The following BCAR1 variants were observed in gnomAD, a reference collection of about 807,000 sequenced individuals.
BCAR1 encodes the protein BCAR1 scaffold protein, Cas family member, also known as breast cancer anti-estrogen resistance protein 1.
Under a neutral mutation model 67.6 loss-of-function variants are expected in BCAR1, and 30 were observed. That is an observed-to-expected ratio of 0.44 (90% confidence interval 0.33 to 0.60). BCAR1 has a LOEUF of 0.60. Among genes scored for constraint, BCAR1 ranks in the 20% least tolerant of loss-of-function variants. The probability of loss-of-function intolerance (pLI) is 0.02; values close to 1 mark genes in which losing one functional copy is unlikely to be tolerated. For missense variants in BCAR1, 1,313 were observed against 1,222.3 expected, an observed-to-expected ratio of 1.07 and a Z score of -1.11; for synonymous variants, 626 against 556.7, an observed-to-expected ratio of 1.12 and a Z score of -1.75.
At chr16:75,255,978 G>A (rs752478971), upstream of BCAR1, among the ~76,000 whole-genome samples, 2 of 152,228 alleles carry the variant, frequency 1.3e-5, no homozygotes, top group Non-Finnish European at 2.9e-5. Context: ...GCGAGAGAGC[G>A]AAACTACGTC....
chr16:75,230,845 C>T (rs773091340), intron 6 of BCAR1, among the ~76,000 whole-genome samples: 2 of 152,170 alleles, frequency 1.3e-5, no homozygotes, highest in South Asian at 2.1e-4. Context: ...TCCATCTCTC[C>T]GTTCCCTTAG....
chr16:75,264,893 ATGG>A (rs1237393819), intron 1 of BCAR1: 2 of 167,400 alleles, frequency 1.2e-5, no homozygotes, highest in African/African-American at 4.8e-5. Context: ...CCAGGTGCAG[ATGG>A]TGTCCCTTCC....
At chr16:75,267,371 G>A (rs931802120) in intron 1 of BCAR1, among the ~76,000 whole-genome samples, 2 of 137,624 alleles carry the variant, frequency 1.5e-5, no homozygotes, top group Non-Finnish European at 3.2e-5. Context: ...TTGTTGGAGG[G>A]GCCAAGCAGG....
chr16:75,243,054 C>G lies in BCAR1; in HGVS notation c.49G>C (p.Glu17Gln). Residue 17 changes from glutamate (E) to glutamine (Q), a missense_variant, in exon 2 of 7, where the codon GAG becomes CAG. By Grantham distance (29) the Glu-to-Gln change is conservative. This residue lies in a region of BCAR1 where 41 missense variants were observed against 84.8 expected (regional missense o/e 0.48). Transcript: ENST00000162330. The stretch of plus-strand genomic sequence containing the variant: ...CGGAAGGAGAGCTCATCCGGGGACT[C>G]GGCCACATTGTCATAGAGCGCTTTG... Reference protein sequence around the residue: ...LAKALYDNVAESPDELSFRKG... With the variant: ...LAKALYDNVAQSPDELSFRKG... The G allele has an allele frequency of 6.2e-7, 1 of 1,607,070 alleles. No individual in the cohort carries two copies. Among genetic ancestry groups the G allele is most frequent in the South Asian group, 1.1e-5 (1 of 90,520 alleles).
chr16:75,261,336 A>T (rs1355548883), intron 1 of BCAR1, among the ~76,000 whole-genome samples: 3 of 152,244 alleles, frequency 2.0e-5, no homozygotes, highest in Non-Finnish European at 4.4e-5. Flanking sequence ...CCAGGGCACC[A>T]GTGGTAGGAA....
upstream of BCAR1, among the ~76,000 whole-genome samples, chr16:75,253,404 C>G (rs953497092): frequency 2.6e-5 from 4 of 152,160 alleles, no homozygotes; most frequent in Non-Finnish European, 5.9e-5. Flanking sequence ...TCTGCAGGGA[C>G]GGGCAAGGAC....
intron 1 of BCAR1, among the ~76,000 whole-genome samples, chr16:75,258,791 C>T (rs1433940408): frequency 4.6e-5 from 7 of 152,352 alleles, no homozygotes; most frequent in Middle Eastern, 3.4e-3. Context: ...GGGCCAGGGA[C>T]GCAGGGAGTC....
chr16:75,256,358 G>A (rs2077775216), upstream of BCAR1: 1 of 152,336 alleles, frequency 6.6e-6, no homozygotes, highest in African/African-American at 2.4e-5. Flanking sequence ...TAGTGGCTCT[G>A]ACTGTGGGAA....
In BCAR1 at chr16:75,235,200, C is replaced by T; in HGVS notation, c.1699G>A (p.Gly567Arg). 6.2e-7 allele frequency: 1 copy of T among 1,608,248 alleles called. No homozygotes were observed. The highest frequency in any genetic ancestry group is 1.7e-5 in the Admixed American group (1 of 59,958). Residue 567 changes from glycine (G) to arginine (R), a missense_variant, in exon 5 of 7, where the codon GGA (glycine) becomes AGA (arginine). Gly to Arg is a moderately radical substitution (Grantham distance 125). This residue lies in a region of BCAR1 where 1,272 missense variants were observed against 1,137.5 expected (regional missense o/e 1.12). Transcript: ENST00000162330. The stretch of plus-strand genomic sequence containing the variant: ...TCCTCAAGGGTGGCTCCAGAGCCTC[C>T]CCGGCCAGCGTCGAGGGCCTGACCA... ...AHGQALDAGR[G>R]GSGATLEDLD...
At chr16:75,266,411 T>A (rs2078010334) in intron 1 of BCAR1, 2 of 232,216 alleles carry the variant, frequency 8.6e-6, no homozygotes, top group South Asian at 3.6e-4. Flanking sequence ...GGGGTCGCCC[T>A]GACAGTGACA....
At chr16:75,267,881 G>A (rs2078030097) in intron 1 of BCAR1, 2 of 1,578,008 alleles carry the variant, frequency 1.3e-6, no homozygotes, top group African/African-American at 1.3e-5. Context: ...CCTTAGCAGG[G>A]AGAGAGGGGA....
upstream of BCAR1, among the ~76,000 whole-genome samples, chr16:75,255,975 A>C (rs114444645): frequency 5.3e-3 from 814 of 152,340 alleles, 3 homozygotes; most frequent in African/African-American, 0.019. Context: ...TGGGCGAGAG[A>C]GCGAAACTAC....
At chr16:75,230,359 GTGGCACTGGGGAAAA>G (rs2076860706) in intron 6 of BCAR1, among the ~76,000 whole-genome samples, 2 of 152,164 alleles carry the variant, frequency 1.3e-5, no homozygotes, top group African/African-American at 4.8e-5. Flanking sequence ...GACTTGAGAC[GTGGCACTGGGGAAAA>G]TGGCTGAAGG....
At chr16:75,247,792 G>A in intron 1 of BCAR1, 3 of 517,670 alleles carry the variant, frequency 5.8e-6, no homozygotes, top group African/African-American at 1.9e-5. Context: ...TATCTGGCCT[G>A]CACCCTTTCA....
chr16:75,263,825 G>T, intron 1 of BCAR1: 3 of 988,726 alleles, frequency 3.0e-6, no homozygotes, highest in Non-Finnish European at 3.6e-6. Context: ...CAGTCTGGAA[G>T]CCTCCGCAGG....
chr16:75,248,545 A>G (rs546425911), intron 1 of BCAR1: 328 of 194,532 alleles, frequency 1.7e-3, no homozygotes, highest in African/African-American at 7.2e-3. Flanking sequence ...TCCCTCCCCC[A>G]TGTCCCCATC....
chr16:75,255,248 G>A (rs2077748692), upstream of BCAR1, among the ~76,000 whole-genome samples: 1 of 152,150 alleles, frequency 6.6e-6, no homozygotes, highest in African/African-American at 2.4e-5. Flanking sequence ...CTGAAGCCTC[G>A]GCCTCCCAGC....
intron 1 of BCAR1, chr16:75,264,486 G>A: frequency 2.7e-6 from 4 of 1,454,722 alleles, no homozygotes; most frequent in Non-Finnish European, 2.7e-6. Flanking sequence ...AAGAGAGGAA[G>A]GGCTTGGCAG....
At chr16:75,250,646 C>G in intron 1 of BCAR1, 1 of 985,520 alleles carries the variant, frequency 1.0e-6, no homozygotes, top group Non-Finnish European at 1.2e-6. Context: ...CTAGGCAAAT[C>G]TCCGCTTTCC....
Sources: gnomAD v4.1 joint callset for allele counts (sites outside exome capture counted in the v4.1 genomes callset) on GRCh38, gnomAD v4.1.1 for gene constraint, gnomAD v4.1.1 regional missense constraint, MANE v1.5 for transcripts, NCBI Gene and HGNC (gene_info 2026-07-23, HGNC 2026-07-21) for gene names.